Variants in TAF4B observed in about 807,000 individuals in gnomAD.
The protein encoded by TAF4B is TATA-box binding protein associated factor 4b.
TAF4B carries 38 observed loss-of-function variants against 86.4 expected under a neutral mutation model. The ratio of observed to expected loss-of-function variants is 0.44; its 90% CI spans 0.34 to 0.58. The LOEUF (loss-of-function observed/expected upper bound fraction) is 0.58, where lower values mean the gene tolerates loss of function less well. Ranked by LOEUF, TAF4B falls within the 20% of genes least tolerant of loss-of-function variation. The pLI is 0.02. For synonymous variants in TAF4B, 388 were observed against 391.2 expected, an observed-to-expected ratio of 0.99 and a Z score of 0.10; for missense variants, 988 against 1,027.6, an observed-to-expected ratio of 0.96 and a Z score of 0.53.
chr18:26,345,165 G>GACCTAGCAGGCATTTATGGAACATT (rs1292694281), intron 13 of TAF4B, among the ~76,000 whole-genome samples: 1 of 152,048 alleles, frequency 6.6e-6, no homozygotes, highest in East Asian at 1.9e-4. Context: ...TAAGCTCCTG[G>GACCTAGCAGGCATTTATGGAACATT]TCTACCCAAC....
intron 9 of TAF4B, among the ~76,000 whole-genome samples, chr18:26,311,313 T>C (rs1400967581): frequency 6.6e-6 from 1 of 152,156 alleles, no homozygotes; most frequent in Non-Finnish European, 1.5e-5. Context: ...GGGACATAGA[T>C]AAGGCTTTGA....
At chr18:26,329,203 A>G (rs2057032470) in intron 12 of TAF4B, among the ~76,000 whole-genome samples, 1 of 151,984 alleles carries the variant, frequency 6.6e-6, no homozygotes, top group Non-Finnish European at 1.5e-5. Context: ...GACTACACGC[A>G]CACACCACTA....
chr18:26,308,879 C>CAAAAAAAAAAAA (rs71169847), intron 9 of TAF4B, among the ~76,000 whole-genome samples: 2 of 80,368 alleles, frequency 2.5e-5, no homozygotes, highest in African/African-American at 9.8e-5. Flanking sequence ...GACTCTGTCT[C>CAAAAAAAAAAAA]AAAAAAAAAA....
chr18:26,293,602 A>G, intron 9 of TAF4B, 71 bp downstream of exon 9: 1 of 913,446 alleles, frequency 1.1e-6, no homozygotes. Flanking sequence ...TGACAGAATA[A>G]TACCTTACTA....
intron 12 of TAF4B, among the ~76,000 whole-genome samples, chr18:26,330,454 C>T (rs182639803): frequency 1.3e-5 from 2 of 152,190 alleles, no homozygotes; most frequent in Admixed American, 1.3e-4. Context: ...TGCTCTAGCC[C>T]CAAATTCAGC....
At chr18:26,363,442 G>A (rs1213960682) in intron 14 of TAF4B, among the ~76,000 whole-genome samples, 1 of 151,048 alleles carries the variant, frequency 6.6e-6, no homozygotes, top group Non-Finnish European at 1.5e-5. Context: ...GCAACTTGGA[G>A]GGCTTAGGAG....
At chr18:26,268,881 G>A (rs1598742430) in intron 3 of TAF4B, among the ~76,000 whole-genome samples, 1 of 152,022 alleles carries the variant, frequency 6.6e-6, no homozygotes, top group African/African-American at 2.4e-5. Context: ...GGAGCACTGT[G>A]GTGCAATCTT....
chr18:26,288,939 G>A (rs950897762), intron 7 of TAF4B, among the ~76,000 whole-genome samples: 6 of 151,984 alleles, frequency 3.9e-5, no homozygotes, highest in African/African-American at 1.2e-4. Context: ...TGTGAATTCT[G>A]CTTTCTTGTT....
At chr18:26,383,294 A>G (rs1015105268) in intron 14 of TAF4B, among the ~76,000 whole-genome samples, 3 of 152,190 alleles carry the variant, frequency 2.0e-5, no homozygotes, top group Admixed American at 2.0e-4. Context: ...AACACTGGAA[A>G]TAGGGAGGTT....
chr18:26,282,744 T>C (rs1232529693), intron 6 of TAF4B, among the ~76,000 whole-genome samples: 1 of 152,236 alleles, frequency 6.6e-6, no homozygotes, highest in East Asian at 1.9e-4. Flanking sequence ...TGATAGCATT[T>C]CACACACAGC....
At chr18:26,355,814 G>A (rs1033016077) in intron 13 of TAF4B, among the ~76,000 whole-genome samples, 5 of 152,128 alleles carry the variant, frequency 3.3e-5, no homozygotes, top group Non-Finnish European at 5.9e-5. Context: ...TTGTCACCTA[G>A]AAGTTCTGAA....
chr18:26,302,705 T>C (rs1224086768), intron 9 of TAF4B, among the ~76,000 whole-genome samples: 1 of 152,036 alleles, frequency 6.6e-6, no homozygotes, highest in African/African-American at 2.4e-5. Context: ...AATTTGGTTT[T>C]TGTTTTTGCT....
chr18:26,237,044 A>G (rs1002478601), intron 1 of TAF4B, among the ~76,000 whole-genome samples: 9 of 152,058 alleles, frequency 5.9e-5, no homozygotes, highest in Non-Finnish European at 4.4e-5. Flanking sequence ...GCTTTTTCCT[A>G]ATTCTCCTTA....
intron 12 of TAF4B, among the ~76,000 whole-genome samples, chr18:26,331,518 A>G (rs550838806): frequency 5.9e-4 from 90 of 152,256 alleles, no homozygotes; most frequent in African/African-American, 2.1e-3. Flanking sequence ...TTCAAAATCA[A>G]TATGTCCAAA....
chr18:26,255,853 G>T, intron 1 of TAF4B: 1 of 1,332,544 alleles, frequency 7.5e-7, no homozygotes, highest in African/African-American at 1.4e-5. Flanking sequence ...CATGTCTTCT[G>T]TCTTTTCTAG....
chr18:26,376,573 T>C (rs924642526), intron 14 of TAF4B, among the ~76,000 whole-genome samples: 1 of 151,956 alleles, frequency 6.6e-6, no homozygotes, highest in African/African-American at 2.4e-5. Context: ...GTTCTAATAA[T>C]TTTTTGTGAG....
chr18:26,249,949 C>T (rs1211180823), intron 1 of TAF4B, among the ~76,000 whole-genome samples: 1 of 152,172 alleles, frequency 6.6e-6, no homozygotes, highest in African/African-American at 2.4e-5. Context: ...TCTCAAACCT[C>T]TGGCTTTATG....
chr18:26,232,845 G>C (rs942876749), intron 1 of TAF4B, among the ~76,000 whole-genome samples: 5 of 152,198 alleles, frequency 3.3e-5, no homozygotes, highest in Admixed American at 2.6e-4. Flanking sequence ...TCCTTTGAGA[G>C]TGTGTGGTAG....
intron 1 of TAF4B, among the ~76,000 whole-genome samples, chr18:26,264,369 A>C (rs1266866809): frequency 6.6e-6 from 1 of 152,222 alleles, no homozygotes; most frequent in Non-Finnish European, 1.5e-5. Flanking sequence ...TGAACCCAGG[A>C]GGCGGAGGTT....
Sources: gnomAD v4.1 joint callset for allele counts (sites outside exome capture counted in the v4.1 genomes callset) on GRCh38, gnomAD v4.1.1 for gene constraint, MANE v1.5 for transcripts, NCBI Gene and HGNC (gene_info 2026-07-23, HGNC 2026-07-21) for gene names.